LDLRAD2: variants seen among roughly 807,000 people sequenced by gnomAD.
The protein encoded by LDLRAD2 is low-density lipoprotein receptor class A domain-containing protein 2.
Under a neutral mutation model 24.9 loss-of-function variants are expected in LDLRAD2, and 25 were observed. The observed-to-expected ratio is 1.00, with a 90% CI of 0.73 to 1.40. LDLRAD2 has a LOEUF of 1.40. LDLRAD2 is among the 40% of genes most tolerant of loss of function. LDLRAD2 has a pLI of 0.00. For missense variants in LDLRAD2, 391 were observed against 366.2 expected (o/e 1.07, Z -0.55); for synonymous variants, 182 against 166.7 (o/e 1.09, Z -0.71).
At position 21,823,214 on chromosome 1, in the gene LDLRAD2, G is replaced by A. The variant is rs1043520623; in HGVS notation, c.*999G>A. 1.1e-5 allele frequency: 13 copies of A among 1,148,556 alleles called. No homozygotes were observed. Among genetic ancestry groups the A allele is most frequent in the Admixed American group, 3.1e-5 (1 of 32,536 alleles). 71.1% of individuals were successfully genotyped at this position (1,148,556 alleles called of 1,614,324 possible). A position where few individuals can be genotyped will look rare whatever the true frequency, so the allele number is the denominator to read the frequency against. On this transcript the variant is annotated 3_prime_UTR_variant, in exon 5 of 5. Coordinates refer to ENST00000344642, the MANE Select transcript of LDLRAD2 (RefSeq NM_001013693.3). ...GGCGGTAGCAGCAAAGCGTGGCATCGCCTCGGTTTCTTACAAAAATTCATA... is the reference window on the plus strand; with the variant it reads ...GGCGGTAGCAGCAAAGCGTGGCATCACCTCGGTTTCTTACAAAAATTCATA...
rs552816278 is a variant in LDLRAD2, at chr1:21,812,508, C to T, written c.57C>T (p.Ala19=). The T allele has an allele frequency of 2.1e-4, 339 of 1,614,112 alleles. 6 individuals are homozygous for T. The South Asian group carries it at 3.6e-3, about 17-fold the overall frequency. The part of the protein sequence containing the change: ...LPQRLLLLGA[A]ALTATALETA... ...AAAGGTTGCTCTTGCTGGGGGCAGC[C>T]GCCCTGACTGCAACTGCTTTGGAGA... Residue 19 remains alanine, a synonymous_variant, in exon 1 of 5, where the codon GCC becomes GCT. Transcript: ENST00000344642.
rs377296507 is a variant in LDLRAD2, at chr1:21,824,083, G to T, written c.*1868G>T. The T allele has an allele frequency of 4.4e-6, 7 of 1,575,500 alleles. No individual in the cohort carries two copies. The highest frequency in any genetic ancestry group is 2.7e-5 in the African/African-American group (2 of 74,436). The stretch of plus-strand genomic sequence containing the variant: ...GGGGCGTCCTGCCCCACTCCAGAAC[G>T]CTGGGCCCCATCCCGAGTGCCCGGC... On this transcript the variant is annotated 3_prime_UTR_variant, in exon 5 of 5. Transcript: ENST00000344642. This position sits in a 1 kb window ranked among gnomAD's most constrained non-coding sequence, Gnocchi z 5.9.
Position 21,814,406 on chromosome 1 carries a change from G to C in LDLRAD2, c.94G>C (p.Ala32Pro), listed in dbSNP as rs868035172. 1 of 1,597,368 alleles carries C rather than the reference G, an allele frequency of 6.3e-7. No homozygotes were observed. Among genetic ancestry groups the C allele is most frequent in the Non-Finnish European group, 8.5e-7 (1 of 1,171,656 alleles). The change falls in exon 2 of 5, where the codon GCG (alanine) becomes CCG (proline). Residue 32 changes from alanine to proline, a missense_variant. Physicochemically the swap from Ala to Pro is conservative, Grantham distance 27 (BLOSUM62 -1). Transcript: ENST00000344642. ...CGTGCCTTCCGCTGCAGCCGACCTG[G>C]CGGAACTGTGCGGGCAGACGTGGCA... ...TATALETADL[A>P]ELCGQTWQGD...
In LDLRAD2 at chr1:21,824,078, A is replaced by C. The variant is rs752464071; in HGVS notation, c.*1863A>C. 35 of 1,563,540 alleles carry C rather than the reference A, an allele frequency of 2.2e-5. No homozygotes were observed. Among genetic ancestry groups the C allele is most frequent in the Non-Finnish European group, 3.1e-5 (35 of 1,141,518 alleles). ...GGTAGGGGGCGTCCTGCCCCACTCC[A>C]GAACGCTGGGCCCCATCCCGAGTGC... is the stretch of plus-strand genomic sequence containing the variant. On this transcript the variant is annotated 3_prime_UTR_variant, in exon 5 of 5. Coordinates refer to ENST00000344642, the MANE Select transcript of LDLRAD2 (RefSeq NM_001013693.3). The surrounding 1 kb of genome is among the most constrained non-coding windows in gnomAD (Gnocchi z 5.9).
In LDLRAD2 at chr1:21,815,963, C is replaced by T. The variant is rs201003467; in HGVS notation, c.532C>T (p.Arg178Cys). ...CTCAGGACCTTGTGGTGCCTACTTC[C>T]GCTGCCAGAATGGCAGGTGCATCCC... ...FRLGPCGAYF[R>C]CQNGRCIPSS... is the part of the protein sequence containing the mutation. Residue 178 changes from arginine (R) to cysteine (C), a missense_variant, in exon 3 of 5, where the codon CGC becomes TGC. Transcript: ENST00000344642. 9.7e-5 allele frequency: 156 copies of T among 1,614,016 alleles called. No homozygotes were observed. Among genetic ancestry groups the T allele is most frequent in the East Asian group, 4.5e-5 (2 of 44,880 alleles).
In LDLRAD2 at chr1:21,819,566, CA is replaced by C. The variant is rs1176999808; in HGVS notation, c.644-1883del. On this transcript the variant is annotated intron_variant, in intron 3 of 4. Transcript: ENST00000344642. ...TATAAATTTTCTTTATAAGCATATA[CA>C]TATGTATATTAGAATAGTCAAAATC... Among the ~76,000 whole-genome samples, 10 of 126,428 alleles carry C rather than the reference CA, an allele frequency of 7.9e-5. No individual in the cohort carries two copies. The East Asian group carries it at 2.4e-3, about 31-fold the overall frequency. The allele number at this position is 126,428 out of a possible 152,430, so 82.9% of individuals were successfully genotyped here. A position where few individuals can be genotyped will look rare whatever the true frequency, so the allele number is the denominator to read the frequency against.
chr1:21,812,439 C>G lies in LDLRAD2; in HGVS notation c.-13C>G, dbSNP rs772359611. The G allele has an allele frequency of 6.2e-7, 1 of 1,612,440 alleles. No individual in the cohort carries two copies. The highest frequency in any genetic ancestry group is 1.7e-5 in the Admixed American group (1 of 60,004). ...TGTGGGTCTGCCCCATTGCTGGGCA[C>G]AGCAGAGCCTGGATGGAGGCTTGTT... On this transcript the variant is annotated 5_prime_UTR_variant, in exon 1 of 5. Transcript: ENST00000344642.
chr1:21,821,192 G>A (rs1229731207), intron 3 of LDLRAD2, among the ~76,000 whole-genome samples: 1 of 152,174 alleles, frequency 6.6e-6, no homozygotes, highest in Non-Finnish European at 1.5e-5. Flanking sequence ...GTGAGACCCT[G>A]CCTCAATGCT....
chr1:21,821,679 C>A, intron 4 of LDLRAD2, 68 bp downstream of exon 4: 1 of 1,585,206 alleles, frequency 6.3e-7, no homozygotes, highest in Non-Finnish European at 8.6e-7. Context: ...GGGGACGGGG[C>A]AGAGGACCCA....
chr1:21,814,443 T>G lies in LDLRAD2; in HGVS notation c.131T>G (p.Leu44Arg). The G allele has an allele frequency of 1.2e-6, 2 of 1,610,094 alleles. No homozygotes were observed. The highest frequency in any genetic ancestry group is 1.7e-6 in the Non-Finnish European group (2 of 1,178,536). The part of the protein sequence containing the change: ...LCGQTWQGDG[L>R]LLRSHAASRR... ...GGGCAGACGTGGCAGGGGGACGGGC[T>G]GCTGCTGCGCTCGCACGCCGCATCG... is the stretch of plus-strand genomic sequence containing the variant. The change falls in exon 2 of 5, where the codon CTG becomes CGG. Residue 44 changes from leucine to arginine, a missense_variant. Physicochemically the swap from Leu to Arg is moderately radical, Grantham distance 102. Coordinates refer to ENST00000344642, the MANE Select transcript of LDLRAD2 (RefSeq NM_001013693.3).
intron 2 of LDLRAD2, among the ~76,000 whole-genome samples, chr1:21,815,174 ACT>A (rs1572108675): frequency 2.0e-5 from 3 of 151,920 alleles, no homozygotes; most frequent in African/African-American, 4.8e-5. Context: ...CACACCTCAC[ACT>A]CTGACATCCA....
Position 21,814,536 on chromosome 1 carries a change from A to ACCGGATCCGCTT in LDLRAD2, c.227_238dup (p.Arg76_Phe79dup), listed in dbSNP as rs1449640868. On this transcript the variant is annotated inframe_insertion, in exon 2 of 5. Coordinates refer to ENST00000344642, the MANE Select transcript of LDLRAD2 (RefSeq NM_001013693.3). ...TGGGTGCAGGCGGCAGCCCCCGGCGACCGGATCCGCTTCCAGTTCCGCTTC... is the reference window on the plus strand; with the variant it reads ...TGGGTGCAGGCGGCAGCCCCCGGCGACCGGATCCGCTTCCGGATCCGCTTCCAGTTCCGCTTC... 1 of 1,612,320 alleles carries ACCGGATCCGCTT rather than the reference A, an allele frequency of 6.2e-7. No individual in the cohort carries two copies. The highest frequency in any genetic ancestry group is 8.5e-7 in the Non-Finnish European group (1 of 1,179,536).
In LDLRAD2 at chr1:21,822,352, G is replaced by A; in HGVS notation, c.*137G>A. The stretch of plus-strand genomic sequence containing the variant: ...CCAACCCCACAGTCTGGGGGCCACT[G>A]GCAGGATGGCACTTGAGCTGGATCT... On this transcript the variant is annotated 3_prime_UTR_variant, in exon 5 of 5. Transcript: ENST00000344642. 1 of 820,268 alleles carries A rather than the reference G, an allele frequency of 1.2e-6. No individual in the cohort carries two copies. The highest frequency in any genetic ancestry group is 2.0e-6 in the Non-Finnish European group (1 of 494,118). 50.8% of individuals were successfully genotyped at this position (820,268 alleles called of 1,614,324 possible).
Position 21,823,086 on chromosome 1 carries a change from T to G in LDLRAD2, c.*871T>G. On this transcript the variant is annotated 3_prime_UTR_variant, in exon 5 of 5. Transcript: ENST00000344642. Reference sequence around the variant, plus strand: ...TTCCTGACCCCAAGTCCTGGTGACTTTCTGAGGTGCCCACTCCCATCCAAC... The same window carrying G: ...TTCCTGACCCCAAGTCCTGGTGACTGTCTGAGGTGCCCACTCCCATCCAAC... The G allele has an allele frequency of 4.5e-6, 2 of 443,706 alleles. No individual in the cohort carries two copies. The highest frequency in any genetic ancestry group is 3.6e-5 in the East Asian group (1 of 27,988). The allele number at this position is 443,706 out of a possible 1,614,324, so 27.5% of individuals were successfully genotyped here. A position where few individuals can be genotyped will look rare whatever the true frequency, so the allele number is the denominator to read the frequency against.
intron 4 of LDLRAD2, 111 bp downstream of exon 4, chr1:21,821,722 A>G (rs2097952208): frequency 6.5e-7 from 1 of 1,536,896 alleles, no homozygotes; most frequent in Non-Finnish European, 8.8e-7. Flanking sequence ...CTCTTCCCAC[A>G]GGCCCCCAGC....
rs537908254 is a variant in LDLRAD2, at chr1:21,824,136, C to T, written c.*1921C>T. 1.7e-4 allele frequency: 272 copies of T among 1,613,324 alleles called. No homozygotes were observed. The Admixed American group carries it at 2.6e-3, about 15-fold the overall frequency. The stretch of plus-strand genomic sequence containing the variant: ...GGTCCCTTACCGCAGTGCTGTCACC[C>T]GGTGCCACTCGCCGTCATTGATGGG... On this transcript the variant is annotated 3_prime_UTR_variant, in exon 5 of 5. Transcript: ENST00000344642. This position sits in a 1 kb window ranked among gnomAD's most constrained non-coding sequence, Gnocchi z 5.9.
intron 3 of LDLRAD2, among the ~76,000 whole-genome samples, chr1:21,818,309 G>C (rs1322871219): frequency 6.6e-6 from 1 of 152,216 alleles, no homozygotes; most frequent in East Asian, 1.9e-4. Flanking sequence ...TCCGCACCCG[G>C]CCTCATGTTA....
chr1:21,817,068 G>A (rs2097944705), intron 3 of LDLRAD2, among the ~76,000 whole-genome samples: 1 of 152,062 alleles, frequency 6.6e-6, no homozygotes, highest in Admixed American at 6.6e-5. Context: ...CATTCCAGCT[G>A]CCCAGGCCTC....
chr1:21,818,033 C>T (rs543858432), intron 3 of LDLRAD2, among the ~76,000 whole-genome samples: 8 of 151,642 alleles, frequency 5.3e-5, no homozygotes, highest in East Asian at 2.0e-4. Context: ...CACACCACCA[C>T]GCTCAGCTAA....
Sources: gnomAD v4.1 joint callset for allele counts (sites outside exome capture counted in the v4.1 genomes callset) on GRCh38, gnomAD v4.1.1 for gene constraint, Gnocchi (gnomAD v3.1) non-coding constraint, MANE v1.5 for transcripts, NCBI Gene and HGNC (gene_info 2026-07-23, HGNC 2026-07-21) for gene names.